Variants in NTRK2 observed in about 807,000 individuals in gnomAD.
NTRK2 encodes the protein neurotrophic receptor tyrosine kinase 2, also known as BDNF/NT-3 growth factors receptor.
A neutral mutation model predicts 94.5 loss-of-function variants in NTRK2; 13 were observed. The observed-to-expected ratio is 0.14, with a 90% CI of 0.09 to 0.22. NTRK2 has a LOEUF of 0.22. Among genes scored for constraint, NTRK2 ranks in the 10% least tolerant of loss-of-function variants. The probability of loss-of-function intolerance (pLI) is 1.00; values close to 1 mark genes in which losing one functional copy is unlikely to be tolerated. For synonymous variants in NTRK2, 372 were observed against 407.4 expected, an observed-to-expected ratio of 0.91 and a Z score of 1.05; for missense variants, 639 against 1,071.2, an observed-to-expected ratio of 0.60 and a Z score of 5.63.
intron 13 of NTRK2, among the ~76,000 whole-genome samples, chr9:84,863,713 C>G (rs1410636075): frequency 6.6e-6 from 1 of 152,182 alleles, no homozygotes; most frequent in African/African-American, 2.4e-5. Flanking sequence ...TGCAACCTTG[C>G]CAGCCATATC....
rs755978224 is a variant in NTRK2, at chr9:84,955,275, T to G, written c.1938-8T>G. 1 of 1,590,390 alleles carries G rather than the reference T, an allele frequency of 6.3e-7. No homozygotes were observed. Among genetic ancestry groups the G allele is most frequent in the Non-Finnish European group, 8.6e-7 (1 of 1,167,946 alleles). On this transcript the variant is annotated splice_region_variant and splice_polypyrimidine_tract_variant and intron_variant, in intron 16 of 18. Coordinates refer to ENST00000277120, the MANE Select transcript of NTRK2 (RefSeq NM_006180.6). ...GCCCCCAGCTTCATTCTCCATGTCC[T>G]TCCCCAGGGCACACGGCCCTGATGC... is the stretch of plus-strand genomic sequence containing the variant.
At position 85,021,702 on chromosome 9, in the gene NTRK2, C is replaced by CT. The variant is rs527861649; in HGVS notation, c.*275dup. 3.8e-3 allele frequency: 1,671 copies of CT among 440,542 alleles called. 2 individuals carry two copies. The highest frequency in any genetic ancestry group is 8.4e-3 in the African/African-American group (317 of 37,936). 27.3% of individuals were successfully genotyped at this position (440,542 alleles called of 1,614,324 possible). On this transcript the variant is annotated 3_prime_UTR_variant, in exon 19 of 19. Transcript: ENST00000277120. ...TTTTCTTTTTTTAAATTTTCTTTTTCTTTTTTTTTTCGTCTTCCCTGCTTC... is the reference window on the plus strand; with the variant it reads ...TTTTCTTTTTTTAAATTTTCTTTTTCTTTTTTTTTTTCGTCTTCCCTGCTTC...
rs868274275 is a variant in NTRK2, at chr9:84,706,531, T to G, written c.360-1313T>G. On this transcript the variant is annotated intron_variant, in intron 4 of 18. Transcript: ENST00000277120. ...TGTGTGTTATTTTTTGTTTTTGTTTTTTTTTTTTTTTTTTTTGAGACGGAG... is the reference window on the plus strand; with the variant it reads ...TGTGTGTTATTTTTTGTTTTTGTTTGTTTTTTTTTTTTTTTTGAGACGGAG... Among the ~76,000 whole-genome samples, 660 of 107,400 alleles carry G rather than the reference T, an allele frequency of 6.1e-3. 18 individuals are homozygous for G. In the East Asian group the frequency reaches 0.063, roughly 10 times the overall value. 70.5% of individuals were successfully genotyped at this position (107,400 alleles called of 152,430 possible). A position where few individuals can be genotyped will look rare whatever the true frequency, so the allele number is the denominator to read the frequency against.
intron 2 of NTRK2, among the ~76,000 whole-genome samples, chr9:84,675,463 C>T (rs541455787): frequency 6.6e-6 from 1 of 151,092 alleles, no homozygotes; most frequent in Admixed American, 6.6e-5. Flanking sequence ...CCTTATCCCT[C>T]TGGCTAACTT....
chr9:84,982,654 G>A (rs769633222), intron 17 of NTRK2, among the ~76,000 whole-genome samples: 5 of 152,148 alleles, frequency 3.3e-5, no homozygotes, highest in East Asian at 1.9e-4. Flanking sequence ...AACCCAATGC[G>A]CAATGACAAA....
intron 17 of NTRK2, among the ~76,000 whole-genome samples, chr9:84,981,829 A>G (rs1384987085): frequency 1.3e-5 from 2 of 152,192 alleles, no homozygotes; most frequent in African/African-American, 4.8e-5. Context: ...CTGGGGTTTT[A>G]TTGATTATTT....
intron 14 of NTRK2, chr9:84,872,776 A>G (rs1250957177): frequency 5.4e-5 from 57 of 1,064,560 alleles, no homozygotes; most frequent in Non-Finnish European, 6.5e-5. Context: ...CTAGGCAATT[A>G]TGTAAATAAG....
chr9:84,976,345 G>A (rs1826862689), intron 17 of NTRK2, among the ~76,000 whole-genome samples: 1 of 152,080 alleles, frequency 6.6e-6, no homozygotes, highest in African/African-American at 2.4e-5. Context: ...AAGTTCTATG[G>A]GATTAGGGCT....
intron 6 of NTRK2, among the ~76,000 whole-genome samples, chr9:84,711,371 G>A (rs1235297300): frequency 6.6e-6 from 1 of 152,152 alleles, no homozygotes; most frequent in Non-Finnish European, 1.5e-5. Context: ...TCTTCCCAGC[G>A]TTTTCATCTC....
intron 2 of NTRK2, among the ~76,000 whole-genome samples, chr9:84,680,936 CTT>C (rs909851753): frequency 6.6e-6 from 1 of 152,172 alleles, no homozygotes; most frequent in Non-Finnish European, 1.5e-5. Flanking sequence ...TGTCACCACA[CTT>C]TTCTTGTTTT....
intron 2 of NTRK2, among the ~76,000 whole-genome samples, chr9:84,698,482 G>A (rs1459568348): frequency 6.6e-6 from 1 of 152,036 alleles, no homozygotes; most frequent in African/African-American, 2.4e-5. Flanking sequence ...GACAATGAAT[G>A]TTGTAATATT....
At chr9:84,784,982 T>C (rs1022498810) in intron 12 of NTRK2, among the ~76,000 whole-genome samples, 1 of 152,252 alleles carries the variant, frequency 6.6e-6, no homozygotes, top group Non-Finnish European at 1.5e-5. Context: ...AAAGTGTTTT[T>C]GGTGAACCCA....
At chr9:84,765,209 G>C (rs777822331) in intron 12 of NTRK2, among the ~76,000 whole-genome samples, 6 of 152,132 alleles carry the variant, frequency 3.9e-5, no homozygotes, top group Non-Finnish European at 7.4e-5. Context: ...AGTTTAATTG[G>C]ATTGTTTGCA....
At chr9:84,765,090 T>C (rs1462621520) in intron 12 of NTRK2, among the ~76,000 whole-genome samples, 1 of 152,148 alleles carries the variant, frequency 6.6e-6, no homozygotes, top group African/African-American at 2.4e-5. Flanking sequence ...GTTGTGAGGA[T>C]GGTTAATGAG....
chr9:85,023,646 T>C lies in NTRK2; in HGVS notation c.*2209T>C. 4.4e-6 allele frequency: 1 copy of C among 229,594 alleles called. No individual in the cohort carries two copies. The highest frequency in any genetic ancestry group is 8.6e-6 in the Non-Finnish European group (1 of 115,970). 14.2% of individuals were successfully genotyped at this position (229,594 alleles called of 1,614,324 possible). ...CATAATGAAAGCCATATCTCCATGATATATATGTGCACATATATATACATA... is the reference window on the plus strand; with the variant it reads ...CATAATGAAAGCCATATCTCCATGACATATATGTGCACATATATATACATA... On this transcript the variant is annotated 3_prime_UTR_variant, in exon 19 of 19. Coordinates refer to ENST00000277120, the MANE Select transcript of NTRK2 (RefSeq NM_006180.6).
chr9:84,754,868 A>G (rs2064945390), intron 12 of NTRK2, among the ~76,000 whole-genome samples: 1 of 152,208 alleles, frequency 6.6e-6, no homozygotes, highest in Non-Finnish European at 1.5e-5. Flanking sequence ...GCCCATCCCT[A>G]GCAATGCGTG....
intron 10 of NTRK2, among the ~76,000 whole-genome samples, chr9:84,743,271 T>C (rs961301525): frequency 6.6e-6 from 1 of 152,220 alleles, no homozygotes; most frequent in African/African-American, 2.4e-5. Flanking sequence ...TTAGGAATGA[T>C]TAAAAGATTG....
chr9:84,935,210 C>CTG (rs35794132), intron 15 of NTRK2, among the ~76,000 whole-genome samples: 9,402 of 152,146 alleles, frequency 0.062, 382 homozygotes, highest in Admixed American at 0.12. Flanking sequence ...GAGTTTTTTG[C>CTG]TGTTTTATTT....
At chr9:84,937,288 C>T (rs549805927) in intron 15 of NTRK2, among the ~76,000 whole-genome samples, 9 of 152,352 alleles carry the variant, frequency 5.9e-5, no homozygotes, top group African/African-American at 2.2e-4. Context: ...GTTTGACAGC[C>T]TTTCTGCTGT....
Sources: gnomAD v4.1 joint callset for allele counts (sites outside exome capture counted in the v4.1 genomes callset) on GRCh38, gnomAD v4.1.1 for gene constraint, MANE v1.5 for transcripts, NCBI Gene and HGNC (gene_info 2026-07-23, HGNC 2026-07-21) for gene names.